The following GLYR1 variants were observed in gnomAD, a reference collection of about 807,000 sequenced individuals.
The protein encoded by GLYR1 is glyoxylate reductase 1 homolog.
In GLYR1, 21 loss-of-function variants were observed where a neutral mutation model predicts 72.7. The observed-to-expected ratio is 0.29, with a 90% CI of 0.20 to 0.42. The LOEUF (loss-of-function observed/expected upper bound fraction) is 0.42. Ranked by LOEUF, GLYR1 falls within the 10% of genes least tolerant of loss-of-function variation. The pLI, the probability that GLYR1 is intolerant of heterozygous loss-of-function variation, is 1.00. For missense variants in GLYR1, 594 were observed against 712.1 expected (o/e 0.83, Z 1.89); for synonymous variants, 392 against 270.2 (o/e 1.45, Z -4.42).
intron 15 of GLYR1, among the ~76,000 whole-genome samples, chr16:4,806,336 G>C (rs1483318955): frequency 6.6e-6 from 1 of 152,156 alleles, no homozygotes; most frequent in African/African-American, 2.4e-5. Flanking sequence ...ACATTTAATG[G>C]GAAATGGTAC....
intron 3 of GLYR1, among the ~76,000 whole-genome samples, chr16:4,842,603 C>T (rs568619339): frequency 6.6e-6 from 1 of 152,182 alleles, no homozygotes; most frequent in Non-Finnish European, 1.5e-5. Flanking sequence ...TCAAGCAATC[C>T]TCCTGTCTTG....
At position 4,811,642 on chromosome 16, in the gene GLYR1, G is replaced by A. The variant is rs1654853156; in HGVS notation, c.1443C>T (p.Phe481=). ...ILNQGQLASI[F]LDQKCQNILQ... is the part of the protein sequence containing the mutation. ...ACTCACTTTGGCACTTCTGGTCCAG[G>A]AAGATGCTGGCCAACTGTCCCTGAT... The change falls in exon 14 of 16, where the codon TTC becomes TTT. Residue 481 remains phenylalanine, a synonymous_variant. Coordinates refer to ENST00000321919, the MANE Select transcript of GLYR1 (RefSeq NM_032569.4). 1 of 1,614,032 alleles carries A rather than the reference G, an allele frequency of 6.2e-7. No individual in the cohort carries two copies. Among genetic ancestry groups the A allele is most frequent in the African/African-American group, 1.3e-5 (1 of 75,048 alleles).
chr16:4,811,898 G>A (rs2083341494), intron 13 of GLYR1, 96 bp from the exon 14 acceptor site: 5 of 1,461,432 alleles, frequency 3.4e-6, no homozygotes, highest in Non-Finnish European at 3.7e-6. Context: ...CCTCTCTCCA[G>A]GGGAGGCCCC....
At chr16:4,828,324 C>T (rs941617153) in intron 5 of GLYR1, among the ~76,000 whole-genome samples, 2 of 152,040 alleles carry the variant, frequency 1.3e-5, no homozygotes, top group African/African-American at 4.8e-5. Flanking sequence ...CCGCCTCGGC[C>T]TCCCAAAGCG....
At chr16:4,834,159 C>A (rs1801601140) in intron 3 of GLYR1, among the ~76,000 whole-genome samples, 2 of 152,154 alleles carry the variant, frequency 1.3e-5, no homozygotes. Context: ...AAAACACAGA[C>A]CTGGGATCAT....
rs150027898 is a variant in GLYR1, at chr16:4,835,806, G to C, written c.156-2894C>G. ...GTATTGTGCCACTGCACTCCAGCCT[G>C]GGCAACAGAGTGAGACTCCACCTCA... is the stretch of plus-strand genomic sequence containing the variant. On this transcript the variant is annotated intron_variant, in intron 3 of 15. Transcript: ENST00000321919. Among the ~76,000 whole-genome samples the C allele has an allele frequency of 1.4e-4, 21 of 152,254 alleles. No homozygotes were observed. In the East Asian group the frequency reaches 3.9e-3, roughly 28 times the overall value.
chr16:4,834,741 C>T (rs1235125037), intron 3 of GLYR1, among the ~76,000 whole-genome samples: 1 of 152,168 alleles, frequency 6.6e-6, no homozygotes, highest in East Asian at 1.9e-4. Flanking sequence ...GCTGGGATTA[C>T]AGGTGTGAGC....
At chr16:4,817,767 C>A in intron 9 of GLYR1, 70 bp from the exon 10 acceptor site, 1 of 972,318 alleles carries the variant, frequency 1.0e-6, no homozygotes. Context: ...TTCCATGCAG[C>A]ACAAGGCTCG....
intron 15 of GLYR1, among the ~76,000 whole-genome samples, chr16:4,805,595 G>A (rs900650868): frequency 2.0e-5 from 3 of 152,234 alleles, no homozygotes; most frequent in African/African-American, 7.2e-5. Flanking sequence ...TGCGGCTCAT[G>A]CCTGTAAGGC....
chr16:4,811,647 T>C lies in GLYR1; in HGVS notation c.1438A>G (p.Ile480Val). 6.2e-7 allele frequency: 1 copy of C among 1,614,134 alleles called. No homozygotes were observed. The highest frequency in any genetic ancestry group is 8.5e-7 in the Non-Finnish European group (1 of 1,180,046). Residue 480 changes from isoleucine to valine, a missense_variant, in exon 14 of 16, where the codon ATC becomes GTC. Physicochemically the swap from Ile to Val is conservative, Grantham distance 29. Transcript: ENST00000321919. ...DILNQGQLAS[I>V]FLDQKCQNIL... ...CTTTGGCACTTCTGGTCCAGGAAGA[T>C]GCTGGCCAACTGTCCCTGATTGAGG...
At chr16:4,831,954 C>T (rs374123519) in intron 5 of GLYR1, 25 bp downstream of exon 5, 109 of 1,606,432 alleles carry the variant, frequency 6.8e-5, no homozygotes, top group South Asian at 6.7e-5. Flanking sequence ...TCACTAATCC[C>T]GGAAGCTGCA....
intron 3 of GLYR1, among the ~76,000 whole-genome samples, chr16:4,841,880 CCACT>C: frequency 6.6e-6 from 1 of 152,298 alleles, no homozygotes. Context: ...CATGGTATCC[CCACT>C]GTCTGAAATG....
intron 6 of GLYR1, 90 bp from the exon 7 acceptor site, chr16:4,823,021 A>AAC: frequency 9.7e-7 from 1 of 1,031,552 alleles, no homozygotes; most frequent in Non-Finnish European, 1.5e-6. Flanking sequence ...CTCTGGCTGC[A>AAC]ACACCTCTGG....
intron 3 of GLYR1, among the ~76,000 whole-genome samples, chr16:4,843,237 C>G (rs938251574): frequency 6.6e-6 from 1 of 152,216 alleles, no homozygotes. Context: ...CTCGAACAAT[C>G]TCTGCCTCCT....
chr16:4,837,993 A>C (rs2142033493), intron 3 of GLYR1, among the ~76,000 whole-genome samples: 1 of 152,120 alleles, frequency 6.6e-6, no homozygotes, highest in Non-Finnish European at 1.5e-5. Flanking sequence ...ATAAAAATAC[A>C]GGTGAGAACA....
Position 4,847,209 on chromosome 16 carries a change from C to A in GLYR1, c.38+19G>T. The A allele has an allele frequency of 6.3e-7, 1 of 1,598,470 alleles. No homozygotes were observed. Among genetic ancestry groups the A allele is most frequent in the Non-Finnish European group, 8.5e-7 (1 of 1,173,626 alleles). ...TAGCTCCCCGGCGCGTCTCGGTTGG[C>A]CCGGCCGCTCGGACTCACCACACCA... On this transcript the variant is annotated intron_variant, in intron 1 of 15. Coordinates refer to ENST00000321919, the MANE Select transcript of GLYR1 (RefSeq NM_032569.4).
chr16:4,817,738 A>G (rs771867956), intron 9 of GLYR1, 41 bp from the exon 10 acceptor site: 31 of 1,222,680 alleles, frequency 2.5e-5, no homozygotes, highest in Non-Finnish European at 2.4e-6. Flanking sequence ...GTGGAAAGGG[A>G]GGGTCACGGT....
rs2083022662 is a variant in GLYR1, at chr16:4,806,988, A to C, written c.1588-1678T>G. On this transcript the variant is annotated intron_variant, in intron 15 of 15. Coordinates refer to ENST00000321919, the MANE Select transcript of GLYR1 (RefSeq NM_032569.4). ...CGCCTGGCTAATTTTTTGTATTTTTAGTAGAGACAGGGTTTCACCCTGTTA... is the reference window on the plus strand; with the variant it reads ...CGCCTGGCTAATTTTTTGTATTTTTCGTAGAGACAGGGTTTCACCCTGTTA... 2.6e-5 allele frequency among the ~76,000 whole-genome samples: 4 copies of C among 151,142 alleles called. No homozygotes were observed. The South Asian group carries it at 8.4e-4, about 32-fold the overall frequency.
chr16:4,837,739 C>T (rs1439041326), intron 3 of GLYR1, among the ~76,000 whole-genome samples: 1 of 151,998 alleles, frequency 6.6e-6, no homozygotes, highest in East Asian at 1.9e-4. Flanking sequence ...TGAGACCACC[C>T]TGGCCAACAC....
Sources: gnomAD v4.1 joint callset for allele counts (sites outside exome capture counted in the v4.1 genomes callset) on GRCh38, gnomAD v4.1.1 for gene constraint, MANE v1.5 for transcripts, NCBI Gene and HGNC (gene_info 2026-07-23, HGNC 2026-07-21) for gene names.